The following LRRN4 variants were observed in gnomAD, a reference collection of about 807,000 sequenced individuals.
LRRN4 encodes leucine rich repeat neuronal 4.
Under a neutral mutation model 22.3 loss-of-function variants are expected in LRRN4, and 26 were observed. The observed-to-expected ratio is 1.16, with a 90% CI of 0.85 to 1.62. The LOEUF (loss-of-function observed/expected upper bound fraction) is 1.62. Ranked by LOEUF, LRRN4 falls within the 40% of genes most tolerant of loss-of-function variation. LRRN4 has a pLI of 0.00. For missense variants in LRRN4, 1,070 were observed against 1,008.5 expected, an observed-to-expected ratio of 1.06 and a Z score of -0.83; for synonymous variants, 496 against 486.2, an observed-to-expected ratio of 1.02 and a Z score of -0.26.
At chr20:6,046,967 A>T (rs77075565) in intron 3 of LRRN4, among the ~76,000 whole-genome samples, 2 of 151,394 alleles carry the variant, frequency 1.3e-5, no homozygotes, top group African/African-American at 4.9e-5. Context: ...AGAGGATTAT[A>T]TTTTTTTTTC....
rs376601971 is a variant in LRRN4 at position 6,050,987 on chromosome 20, A to G, written c.656-4T>C. 64 of 1,613,346 alleles carry G rather than the reference A, an allele frequency of 4.0e-5. No homozygotes were observed. The highest frequency in any genetic ancestry group is 4.9e-5 in the Non-Finnish European group (58 of 1,179,816). The stretch of plus-strand genomic sequence containing the variant: ...TCTCTGATCCACCCTGACTCAACTG[A>G]AACACAGAAGGGAAACTGCCAACTA... On this transcript the variant is annotated splice_polypyrimidine_tract_variant and splice_region_variant and intron_variant, in intron 2 of 4. Transcript: ENST00000378858.
At chr20:6,052,911 C>A in intron 1 of LRRN4, 107 bp from the exon 2 acceptor site, 1 of 1,165,802 alleles carries the variant, frequency 8.6e-7, no homozygotes, top group Non-Finnish European at 1.2e-6. Flanking sequence ...GGAGCACAGG[C>A]GCTGGATGTT....
rs759039858 is a variant in LRRN4, at chr20:6,042,207, G to T, written c.1038C>A (p.Ser346Arg). The change falls in exon 5 of 5, where the codon AGC becomes AGA. Residue 346 changes from serine to arginine, a missense_variant. Physicochemically the swap from Ser to Arg is moderately radical, Grantham distance 110. Transcript: ENST00000378858. ...DTMCAPAAGS[S>R]GPFSASLSLS... ...GTGACAGGGAGGCTGAGAAGGGGCC[G>T]CTGGATCCCGCAGCTGGCGCGCACA... 1.2e-6 allele frequency: 2 copies of T among 1,613,422 alleles called. No homozygotes were observed. Among genetic ancestry groups the T allele is most frequent in the Admixed American group, 1.7e-5 (1 of 59,974 alleles).
intron 3 of LRRN4, 90 bp from the exon 4 acceptor site, chr20:6,044,770 C>A (rs1439527956): frequency 8.3e-7 from 1 of 1,209,034 alleles, no homozygotes; most frequent in East Asian, 2.9e-5. Flanking sequence ...GAACCATGCC[C>A]ATGGTATCAG....
Position 6,044,668 on chromosome 20 carries a change from A to G in LRRN4, c.873T>C (p.Ser291=), listed in dbSNP as rs1981061207. Residue 291 remains serine (S), a synonymous_variant, in exon 4 of 5, where the codon AGT becomes AGC. Transcript: ENST00000378858. The part of the protein sequence containing the change: ...QVLLFQNCNL[S]SFPPWTLDSS... ...AATCCAGGGTCCAAGGAGGGAAGGA[A>G]CTCAAGTTGCAGCTGAAATACAAAC... The G allele has an allele frequency of 1.3e-6, 2 of 1,542,796 alleles. No homozygotes were observed. The highest frequency in any genetic ancestry group is 2.2e-5 in the Admixed American group (1 of 45,720).
chr20:6,049,082 A>C (rs997758239), intron 3 of LRRN4, among the ~76,000 whole-genome samples: 2 of 152,176 alleles, frequency 1.3e-5, no homozygotes, highest in Admixed American at 1.3e-4. Flanking sequence ...TGAATTGACA[A>C]GTAGAGGGAT....
chr20:6,042,025 G>A lies in LRRN4; in HGVS notation c.1220C>T (p.Ser407Phe), dbSNP rs1327604519. Residue 407 changes from serine (S) to phenylalanine (F), a missense_variant, in exon 5 of 5, where the codon TCC becomes TTC. By Grantham distance (155) the Ser-to-Phe change is radical. Coordinates refer to ENST00000378858, the MANE Select transcript of LRRN4 (RefSeq NM_152611.5). ...TRPAGDQQSV[S>F]KAPNVGSRTI... ...GCGAGAGCCCACGTTAGGGGCCTTG[G>A]AGACACTCTGCTGGTCTCCCGCAGG... 2.5e-6 allele frequency: 4 copies of A among 1,613,998 alleles called. No homozygotes were observed. The highest frequency in any genetic ancestry group is 2.5e-6 in the Non-Finnish European group (3 of 1,179,992).
In LRRN4 at chr20:6,052,181, C is replaced by T; in HGVS notation, c.619G>A (p.Glu207Lys). 1 of 1,598,604 alleles carries T rather than the reference C, an allele frequency of 6.3e-7. No individual in the cohort carries two copies. The highest frequency in any genetic ancestry group is 8.5e-7 in the Non-Finnish European group (1 of 1,173,596). ...AACGTGCCGCTGAGATCCAGGACTT[C>T]GAGCGTGACCAGGGGCGCGCCATCC... ...GEDGAPLVTL[E>K]VLDLSGTFLE... Residue 207 changes from glutamate to lysine, a missense_variant, in exon 2 of 5, where the codon GAA (glutamate) becomes AAA (lysine). Glu to Lys is a moderately conservative substitution (Grantham distance 56). Transcript: ENST00000378858.
At chr20:6,043,238 G>A (rs8123535) in intron 4 of LRRN4, among the ~76,000 whole-genome samples, 3,075 of 151,682 alleles carry the variant, frequency 0.02, 95 homozygotes, top group African/African-American at 0.068. Flanking sequence ...GTGAGACCTC[G>A]TCTCTACCAA....
chr20:6,041,235 C>G lies in LRRN4; in HGVS notation c.2010G>C (p.Pro670=). The change falls in exon 5 of 5, where the codon CCG becomes CCC. Residue 670 remains proline (P), a synonymous_variant. Transcript: ENST00000378858. This position sits in a 1 kb window ranked among gnomAD's most constrained non-coding sequence, Gnocchi z 9.4. ...TGGGCTTGGTGGTGAAGGCGGCGCA[C>G]GGGCTCCTCCAGCCCGAAGACCGTG... ...SQPRSSGWRS[P]CAAFTTKPSF... The G allele has an allele frequency of 1.3e-6, 2 of 1,581,278 alleles. No individual in the cohort carries two copies. Among genetic ancestry groups the G allele is most frequent in the Non-Finnish European group, 1.7e-6 (2 of 1,163,356 alleles).
At chr20:6,045,102 T>A (rs1395230420) in intron 3 of LRRN4, among the ~76,000 whole-genome samples, 3 of 148,582 alleles carry the variant, frequency 2.0e-5, no homozygotes, top group Admixed American at 6.8e-5. Flanking sequence ...TTGTCTCATA[T>A]CAACTGGGGA....
rs1980921538 is a variant in LRRN4 at position 6,041,169 on chromosome 20, G to T, written c.2076C>A (p.Gly692=). 1 of 1,599,474 alleles carries T rather than the reference G, an allele frequency of 6.3e-7. No individual in the cohort carries two copies. Among genetic ancestry groups the T allele is most frequent in the Non-Finnish European group, 8.5e-7 (1 of 1,172,570 alleles). ...LLLSGLCAAS[G]LLLASTVVLS... is the part of the protein sequence containing the mutation. ...GCACCACGGTGCTGGCGAGCAACAG[G>T]CCGCTGGCGGCGCACAGCCCAGAGA... Residue 692 remains glycine, a synonymous_variant, in exon 5 of 5, where the codon GGC becomes GGA. Transcript: ENST00000378858. This position sits in a 1 kb window ranked among gnomAD's most constrained non-coding sequence, Gnocchi z 9.4.
intron 1 of LRRN4, among the ~76,000 whole-genome samples, chr20:6,053,330 T>C (rs548897659): frequency 6.6e-6 from 1 of 152,244 alleles, no homozygotes; most frequent in Admixed American, 6.5e-5. Flanking sequence ...GGAATCCTAG[T>C]TTGCCTAAAA....
chr20:6,050,224 T>C (rs1488737955), intron 3 of LRRN4, among the ~76,000 whole-genome samples: 1 of 152,238 alleles, frequency 6.6e-6, no homozygotes, highest in East Asian at 1.9e-4. Flanking sequence ...TAGCTATTTA[T>C]TGAATAAAGG....
rs1980986399 is a variant in LRRN4 at position 6,042,251 on chromosome 20, AG to A, written c.999-6del. The A allele has an allele frequency of 1.2e-6, 2 of 1,601,528 alleles. No individual in the cohort carries two copies. Among genetic ancestry groups the A allele is most frequent in the African/African-American group, 1.3e-5 (1 of 74,764 alleles). On this transcript the variant is annotated splice_polypyrimidine_tract_variant and splice_region_variant and intron_variant, in intron 4 of 4. Transcript: ENST00000378858. The stretch of plus-strand genomic sequence containing the variant: ...GCGCACATAGTGTCTGCTGCCCTGG[AG>A]GGGAGGCCAACCAGTTAGAAGACGT...
In LRRN4 at chr20:6,041,272, C is replaced by A. The variant is rs781345914; in HGVS notation, c.1973G>T (p.Gly658Val). The A allele has an allele frequency of 6.3e-7, 1 of 1,590,244 alleles. No homozygotes were observed. The highest frequency in any genetic ancestry group is 1.1e-5 in the South Asian group (1 of 89,022). ...RVCVLAANRA[G>V]LSQPRSSGWR... ...GCCCGAAGACCGTGGCTGGCTCAAG[C>A]CCGCCCTGTTGGCCGCCAGCACGCA... The change falls in exon 5 of 5, where the codon GGC (glycine) becomes GTC (valine). Residue 658 changes from glycine to valine, a missense_variant. Transcript: ENST00000378858. The surrounding 1 kb of genome is among the most constrained non-coding windows in gnomAD (Gnocchi z 9.4).
At position 6,046,024 on chromosome 20, in the gene LRRN4, A is replaced by G. The variant is rs900521919; in HGVS notation, c.861-1344T>C. Among the ~76,000 whole-genome samples the G allele has an allele frequency of 5.4e-5, 8 of 149,154 alleles. 1 individual carries two copies. The highest frequency in any genetic ancestry group is 1.2e-4 in the Non-Finnish European group (8 of 66,624). On this transcript the variant is annotated intron_variant, in intron 3 of 4. Transcript: ENST00000378858. The stretch of plus-strand genomic sequence containing the variant: ...GGTAGAGCAATAGACTCCTTGAAAT[A>G]TGGGGCCTGGTGCAATGGCTCATGC...
At chr20:6,045,331 G>A (rs1388971376) in intron 3 of LRRN4, among the ~76,000 whole-genome samples, 3 of 148,160 alleles carry the variant, frequency 2.0e-5, no homozygotes, top group African/African-American at 4.9e-5. Context: ...CCAGTTACTC[G>A]GGAGGCTGAG....
At position 6,052,024 on chromosome 20, in the gene LRRN4, C is replaced by G. The variant is rs1400537615; in HGVS notation, c.655+121G>C. ...AATGTAGCTGGTGTCTTTTTGAACC[C>G]TCCTACGAGCTGGGCACCCGGGTCA... On this transcript the variant is annotated intron_variant, in intron 2 of 4. Transcript: ENST00000378858. 13 of 1,249,982 alleles carry G rather than the reference C, an allele frequency of 1.0e-5. No individual in the cohort carries two copies. In the South Asian group the frequency reaches 2.1e-4, roughly 20 times the overall value. 77.4% of individuals were successfully genotyped at this position (1,249,982 alleles called of 1,614,324 possible).
Sources: gnomAD v4.1 joint callset for allele counts (sites outside exome capture counted in the v4.1 genomes callset) on GRCh38, gnomAD v4.1.1 for gene constraint, Gnocchi (gnomAD v3.1) non-coding constraint, MANE v1.5 for transcripts, NCBI Gene and HGNC (gene_info 2026-07-23, HGNC 2026-07-21) for gene names.